Variants in TM2D1 observed in about 807,000 individuals in gnomAD.
TM2D1 encodes the protein TM2 domain-containing protein 1.
TM2D1 carries 15 observed loss-of-function variants against 28.4 expected under a neutral mutation model. That is an observed-to-expected ratio of 0.53 (90% CI 0.35 to 0.81). The LOEUF (loss-of-function observed/expected upper bound fraction) is 0.81. Among genes scored for constraint, TM2D1 ranks in the 40% least tolerant of loss-of-function variants. The probability of loss-of-function intolerance (pLI) is 0.01; values close to 1 mark genes in which losing one functional copy is unlikely to be tolerated. For synonymous variants in TM2D1, 93 were observed against 96.2 expected (o/e 0.97, Z 0.20); for missense variants, 236 against 254.9 (o/e 0.93, Z 0.50).
intron 4 of TM2D1, among the ~76,000 whole-genome samples, chr1:61,700,727 G>T (rs1402749016): frequency 2.6e-5 from 4 of 152,112 alleles, no homozygotes; most frequent in Non-Finnish European, 5.9e-5. Context: ...TTTCATAAAG[G>T]TGAAAACATA....
chr1:61,691,394 C>T (rs983360942), intron 5 of TM2D1, among the ~76,000 whole-genome samples: 3 of 148,210 alleles, frequency 2.0e-5, no homozygotes, highest in Non-Finnish European at 3.0e-5. Flanking sequence ...ACTTGGGAGA[C>T]TGAGGCAGAA....
At chr1:61,702,313 A>C (rs1298715619) in intron 3 of TM2D1, among the ~76,000 whole-genome samples, 3 of 151,950 alleles carry the variant, frequency 2.0e-5, no homozygotes, top group African/African-American at 7.2e-5. Context: ...ATGCAATTTT[A>C]GACCTTATAT....
chr1:61,709,467 A>AT (rs571139088), intron 2 of TM2D1, 30 bp from the exon 3 acceptor site: 55,776 of 1,206,870 alleles, frequency 0.046, no homozygotes, highest in East Asian at 0.057. Context: ...AGAAACTGTT[A>AT]TTTTTTTTTT....
chr1:61,712,013 T>A (rs1644482623), intron 2 of TM2D1, among the ~76,000 whole-genome samples: 2 of 152,038 alleles, frequency 1.3e-5, no homozygotes, highest in African/African-American at 4.8e-5. Flanking sequence ...ATTACAGGTG[T>A]GAGCCACCAT....
At chr1:61,719,508 T>G (rs1032079495) in intron 2 of TM2D1, among the ~76,000 whole-genome samples, 1 of 152,134 alleles carries the variant, frequency 6.6e-6, no homozygotes, top group African/African-American at 2.4e-5. Flanking sequence ...TTTGTTTGTT[T>G]TGAGACGGAG....
intron 2 of TM2D1, among the ~76,000 whole-genome samples, chr1:61,716,956 C>A (rs1644526691): frequency 6.6e-6 from 1 of 152,040 alleles, no homozygotes; most frequent in South Asian, 2.1e-4. Flanking sequence ...AAACTCATTA[C>A]CCTTAATCAA....
chr1:61,682,973 G>C (rs1045215904), intron 6 of TM2D1, among the ~76,000 whole-genome samples: 5 of 151,894 alleles, frequency 3.3e-5, no homozygotes, highest in African/African-American at 4.8e-5. Context: ...CTTTAGGTTA[G>C]AAGAAGCACT....
chr1:61,714,960 TGAAA>T (rs1024187201), intron 2 of TM2D1, among the ~76,000 whole-genome samples: 2 of 151,908 alleles, frequency 1.3e-5, no homozygotes, highest in Admixed American at 1.3e-4. Context: ...ATAAAAAAGA[TGAAA>T]GAGAGAAAAA....
At chr1:61,719,832 CT>C (rs1351827741) in intron 2 of TM2D1, among the ~76,000 whole-genome samples, 1 of 152,154 alleles carries the variant, frequency 6.6e-6, no homozygotes, top group African/African-American at 2.4e-5. Flanking sequence ...ATTCTTCTAA[CT>C]TTTCGGTAGG....
In TM2D1 at chr1:61,709,399, A is replaced by G. The variant is rs1375716164; in HGVS notation, c.277T>C (p.Ser93Pro). ...FPAPNITCKDSSGNETHFTGN... is the reference protein window; with the variant it reads ...FPAPNITCKDPSGNETHFTGN... ...GTAAAATGTGTTTCATTGCCACTGGAATCCTTACAAGTTATGTTGGGTGCT... is the reference window on the plus strand; with the variant it reads ...GTAAAATGTGTTTCATTGCCACTGGGATCCTTACAAGTTATGTTGGGTGCT... The change falls in exon 3 of 7, where the codon TCC becomes CCC. Residue 93 changes from serine (S) to proline (P), a missense_variant. By Grantham distance (74) the Ser-to-Pro change is moderately conservative (BLOSUM62 -1). Coordinates refer to ENST00000606498, the MANE Select transcript of TM2D1 (RefSeq NM_032027.3). 2 of 1,613,554 alleles carry G rather than the reference A, an allele frequency of 1.2e-6. No individual in the cohort carries two copies. Among genetic ancestry groups the G allele is most frequent in the Non-Finnish European group, 1.7e-6 (2 of 1,179,620 alleles).
chr1:61,689,363 TTTA>T (rs1219407243), intron 5 of TM2D1, among the ~76,000 whole-genome samples: 1 of 148,682 alleles, frequency 6.7e-6, no homozygotes, highest in East Asian at 2.2e-4. Context: ...AATATTTTAT[TTTA>T]TTATTATTAT....
At chr1:61,711,052 G>A (rs1644474823) in intron 2 of TM2D1, among the ~76,000 whole-genome samples, 2 of 152,096 alleles carry the variant, frequency 1.3e-5, no homozygotes, top group South Asian at 2.1e-4. Flanking sequence ...AAGGGCGGTC[G>A]GGCGCGGTGG....
chr1:61,722,186 C>T (rs1241436924), intron 2 of TM2D1, among the ~76,000 whole-genome samples: 1 of 151,642 alleles, frequency 6.6e-6, no homozygotes, highest in Non-Finnish European at 1.5e-5. Context: ...CTCCAGAGGC[C>T]GAGGTGGGAG....
chr1:61,724,989 C>G lies in TM2D1; in HGVS notation c.132G>C (p.Glu44Asp). 6.2e-7 allele frequency: 1 copy of G among 1,606,706 alleles called. No individual in the cohort carries two copies. Among genetic ancestry groups the G allele is most frequent in the Non-Finnish European group, 8.5e-7 (1 of 1,174,114 alleles). The change falls in exon 1 of 7, where the codon GAG becomes GAC. Residue 44 changes from glutamate to aspartate, a missense_variant. This residue lies in a region of TM2D1 where 167 missense variants were observed against 162.7 expected (regional missense o/e 1.03). Transcript: ENST00000606498. ...CTTTGAGGTCCTCGCACTTAAGCGA[C>G]TCCTCGCCCCCGGCGGAGGTGGCAA... ...GAVATSAGGE[E>D]SLKCEDLKVG...
chr1:61,681,981 G>T (rs1471981356), intron 6 of TM2D1, among the ~76,000 whole-genome samples: 2 of 152,122 alleles, frequency 1.3e-5, no homozygotes, highest in African/African-American at 4.8e-5. Context: ...AAGGCTCAAT[G>T]ACTTACAGTT....
At chr1:61,708,749 T>C (rs1280091582) in intron 3 of TM2D1, among the ~76,000 whole-genome samples, 1 of 152,122 alleles carries the variant, frequency 6.6e-6, no homozygotes, top group Non-Finnish European at 1.5e-5. Context: ...ACTCAATTAG[T>C]GGCATAAACT....
chr1:61,713,592 T>C (rs558942386), intron 2 of TM2D1, among the ~76,000 whole-genome samples: 17 of 151,796 alleles, frequency 1.1e-4, no homozygotes, highest in Admixed American at 9.2e-4. Context: ...CTCAAGCCAG[T>C]AAGTAGATTA....
At chr1:61,703,644 C>A (rs1391829842) in intron 3 of TM2D1, among the ~76,000 whole-genome samples, 1 of 145,598 alleles carries the variant, frequency 6.9e-6, no homozygotes, top group Non-Finnish European at 1.5e-5. Flanking sequence ...AATTCCTGAC[C>A]TCAAGTTATC....
chr1:61,700,498 C>A (rs1243564392), intron 4 of TM2D1, among the ~76,000 whole-genome samples: 2 of 152,176 alleles, frequency 1.3e-5, no homozygotes, highest in Non-Finnish European at 2.9e-5. Context: ...AAGTGGATCA[C>A]CAAAGTTCCA....
Sources: gnomAD v4.1 joint callset for allele counts (sites outside exome capture counted in the v4.1 genomes callset) on GRCh38, gnomAD v4.1.1 for gene constraint, gnomAD v4.1.1 regional missense constraint, MANE v1.5 for transcripts, NCBI Gene and HGNC (gene_info 2026-07-23, HGNC 2026-07-21) for gene names.